The following PRIM2 variants were observed in gnomAD, a reference collection of about 807,000 sequenced individuals.
PRIM2 encodes DNA primase large subunit.
A neutral mutation model predicts 67.3 loss-of-function variants in PRIM2; 39 were observed. That is an observed-to-expected ratio of 0.58 (90% CI 0.45 to 0.76). PRIM2 has a LOEUF of 0.76. PRIM2 is among the 30% of genes least tolerant of loss of function. The pLI is 0.00. For synonymous variants in PRIM2, 143 were observed against 198.7 expected (o/e 0.72, Z 2.36); for missense variants, 398 against 598.7 (o/e 0.66, Z 3.50).
Position 57,533,827 on chromosome 6 carries a change from A to G in PRIM2, c.834+1344A>G, listed in dbSNP as rs1774941856. ...CCATTGTGCTGTGGATACAGAAGTG[A>G]GGAAAACAGAAAATGTCCCTGCCTT... On this transcript the variant is annotated intron_variant, in intron 9 of 13. Coordinates refer to ENST00000615550, the MANE Select transcript of PRIM2 (RefSeq NM_000947.5). 2.0e-5 allele frequency among the ~76,000 whole-genome samples: 3 copies of G among 152,316 alleles called. No homozygotes were observed. The South Asian group carries it at 6.2e-4, about 32-fold the overall frequency.
At chr6:57,609,015 T>G (rs1262682130) in intron 12 of PRIM2, among the ~76,000 whole-genome samples, 1 of 152,214 alleles carries the variant, frequency 6.6e-6, no homozygotes, top group Non-Finnish European at 1.5e-5. Flanking sequence ...TTCCCAATAG[T>G]TTGTGAGTTT....
chr6:57,291,392 A>G, the PRIM2 span, among the ~76,000 whole-genome samples: 66 of 152,316 alleles, frequency 4.3e-4, no homozygotes, highest in African/African-American at 1.6e-3. Flanking sequence ...GACCAGATGG[A>G]TTCACAGCCG....
chr6:57,488,867 G>A (rs1302567041), intron 7 of PRIM2, among the ~76,000 whole-genome samples: 1 of 152,198 alleles, frequency 6.6e-6, no homozygotes, highest in Non-Finnish European at 1.5e-5. Flanking sequence ...TGCTACAGAT[G>A]AACAACCCTG....
At chr6:57,313,797 C>A (rs575089906), upstream of PRIM2, among the ~76,000 whole-genome samples, 4 of 152,214 alleles carry the variant, frequency 2.6e-5, no homozygotes, top group Non-Finnish European at 5.9e-5. Flanking sequence ...AAGCTTACCA[C>A]GCCTTTGGTT....
rs1770850088 is a variant in PRIM2, at chr6:57,405,296, G to A, written c.693+23128G>A. 2.0e-5 allele frequency among the ~76,000 whole-genome samples: 3 copies of A among 152,358 alleles called. No individual in the cohort carries two copies. In the South Asian group the frequency reaches 6.2e-4, roughly 32 times the overall value. On this transcript the variant is annotated intron_variant, in intron 7 of 13. Coordinates refer to ENST00000615550, the MANE Select transcript of PRIM2 (RefSeq NM_000947.5). ...TAGAAATTTTGCACAGGGGAGCTGG[G>A]CATATGTAAATGTTACAGGGTTGAT...
chr6:57,645,405 A>ATTTTTTTTTT (rs1458949369), intron 13 of PRIM2, among the ~76,000 whole-genome samples: 1 of 148,662 alleles, frequency 6.7e-6, no homozygotes, highest in African/African-American at 2.5e-5. Context: ...TAGTTTTCTA[A>ATTTTTTTTTT]TTTTTTGTTT....
the PRIM2 span, among the ~76,000 whole-genome samples, chr6:57,302,833 G>A: frequency 3.7e-3 from 566 of 152,254 alleles, 5 homozygotes; most frequent in African/African-American, 0.013. Flanking sequence ...AAAGAAGATC[G>A]TTTTCTAAGA....
intron 7 of PRIM2, among the ~76,000 whole-genome samples, chr6:57,437,527 T>A (rs1772049906): frequency 6.6e-6 from 1 of 152,084 alleles, no homozygotes; most frequent in African/African-American, 2.4e-5. Context: ...AATCATAGAG[T>A]GACACAGGAA....
At chr6:57,245,924 A>G in the PRIM2 span, among the ~76,000 whole-genome samples, 49 of 152,370 alleles carry the variant, frequency 3.2e-4, 2 homozygotes, top group African/African-American at 1.2e-3. Context: ...GAGAAAGATT[A>G]GTTGATTGGT....
intron 7 of PRIM2, among the ~76,000 whole-genome samples, chr6:57,475,025 C>T (rs1452002517): frequency 2.0e-5 from 3 of 152,118 alleles, no homozygotes; most frequent in African/African-American, 4.8e-5. Context: ...TATTTGCGTG[C>T]AGTGGAATAG....
chr6:57,604,002 G>A (rs1776518578), intron 11 of PRIM2, among the ~76,000 whole-genome samples: 1 of 152,118 alleles, frequency 6.6e-6, no homozygotes, highest in South Asian at 2.1e-4. Flanking sequence ...TTGTTGGTAT[G>A]TAGAAATGCT....
At chr6:57,641,590 G>A (rs1434794820) in intron 13 of PRIM2, among the ~76,000 whole-genome samples, 3 of 152,162 alleles carry the variant, frequency 2.0e-5, no homozygotes, top group East Asian at 1.9e-4. Flanking sequence ...CAGACACTTC[G>A]CAAAAGAAGA....
the PRIM2 span, among the ~76,000 whole-genome samples, chr6:57,230,340 C>A: frequency 6.6e-6 from 1 of 152,210 alleles, no homozygotes; most frequent in African/African-American, 2.4e-5. Flanking sequence ...TCTCTTCAAT[C>A]ACTTGGGAGC....
At chr6:57,288,976 C>T in the PRIM2 span, among the ~76,000 whole-genome samples, 2,777 of 152,254 alleles carry the variant, frequency 0.018, 97 homozygotes, top group African/African-American at 0.064. Flanking sequence ...CAGAAGTAGG[C>T]TTCAGAAGGT....
intron 7 of PRIM2, among the ~76,000 whole-genome samples, chr6:57,503,155 C>G (rs1554347034): frequency 6.6e-6 from 1 of 152,026 alleles, no homozygotes; most frequent in Non-Finnish European, 1.5e-5. Context: ...TCTAAGCAGT[C>G]GGGGGAAAGT....
At chr6:57,256,241 A>G in the PRIM2 span, among the ~76,000 whole-genome samples, 2 of 152,196 alleles carry the variant, frequency 1.3e-5, no homozygotes, top group Non-Finnish European at 2.9e-5. Flanking sequence ...CAAAGGTGAT[A>G]GAAACAATAA....
chr6:57,591,340 A>G (rs1776278595), intron 10 of PRIM2, among the ~76,000 whole-genome samples: 1 of 152,196 alleles, frequency 6.6e-6, no homozygotes, highest in African/African-American at 2.4e-5. Flanking sequence ...TGTGCTAAGA[A>G]AAGGCCATAA....
At chr6:57,420,740 G>A (rs536612981) in intron 7 of PRIM2, among the ~76,000 whole-genome samples, 62 of 152,290 alleles carry the variant, frequency 4.1e-4, no homozygotes, top group African/African-American at 1.4e-3. Context: ...GTATTTTGGG[G>A]TGAATTGGAG....
intron 12 of PRIM2, among the ~76,000 whole-genome samples, chr6:57,620,419 A>T (rs1325948483): frequency 1.3e-5 from 2 of 152,186 alleles, no homozygotes; most frequent in South Asian, 2.1e-4. Context: ...CAGCCTCCTC[A>T]AACAAAACAA....
Sources: gnomAD v4.1 joint callset for allele counts (sites outside exome capture counted in the v4.1 genomes callset) on GRCh38, gnomAD v4.1.1 for gene constraint, MANE v1.5 for transcripts, NCBI Gene and HGNC (gene_info 2026-07-23, HGNC 2026-07-21) for gene names.